Variants in STK3 observed in about 807,000 individuals in gnomAD.
The protein encoded by STK3 is serine/threonine kinase 3.
A neutral mutation model predicts 58.0 loss-of-function variants in STK3; 41 were observed. The observed-to-expected ratio is 0.71, with a 90% CI of 0.55 to 0.92. The LOEUF (loss-of-function observed/expected upper bound fraction) is 0.92. Among genes scored for constraint, STK3 ranks in the 40% least tolerant of loss-of-function variants. The pLI is 0.00. For synonymous variants in STK3, 170 were observed against 191.0 expected (o/e 0.89, Z 0.91); for missense variants, 479 against 602.7 (o/e 0.79, Z 2.15).
chr8:98,614,403 C>A (rs1488934040), intron 6 of STK3, among the ~76,000 whole-genome samples: 1 of 152,146 alleles, frequency 6.6e-6, no homozygotes, highest in African/African-American at 2.4e-5. Context: ...AACTAAAGAA[C>A]ACGCTTTCAA....
At position 98,608,342 on chromosome 8, in the gene STK3, T is replaced by C. The variant is rs542336609; in HGVS notation, c.685-12173A>G. Among the ~76,000 whole-genome samples, 4 of 152,296 alleles carry C rather than the reference T, an allele frequency of 2.6e-5. 1 individual carries two copies. The South Asian group carries it at 8.3e-4, about 32-fold the overall frequency. On this transcript the variant is annotated intron_variant, in intron 6 of 10. Coordinates refer to ENST00000419617, the MANE Select transcript of STK3 (RefSeq NM_006281.4). Reference sequence around the variant, plus strand: ...ACAAAAGCTCTTGGGTCCTCAATTCTTTAAAGTGAAAAGGACTGCTCAGGC... The same window carrying C: ...ACAAAAGCTCTTGGGTCCTCAATTCCTTAAAGTGAAAAGGACTGCTCAGGC...
At chr8:98,865,968 G>C (rs1056944746) in intron 3 of STK3, among the ~76,000 whole-genome samples, 1 of 152,228 alleles carries the variant, frequency 6.6e-6, no homozygotes, top group African/African-American at 2.4e-5. Flanking sequence ...GGAGTGGGCA[G>C]AGGCTCTGCA....
intron 3 of STK3, among the ~76,000 whole-genome samples, chr8:98,846,220 G>A (rs188795465): frequency 1.7e-4 from 26 of 152,202 alleles, no homozygotes; most frequent in Admixed American, 1.0e-3. Context: ...TGATGTACAC[G>A]AAGTCTCATT....
At chr8:98,802,173 T>C (rs747980672) in intron 1 of STK3, among the ~76,000 whole-genome samples, 3 of 151,986 alleles carry the variant, frequency 2.0e-5, no homozygotes, top group Non-Finnish European at 4.4e-5. Flanking sequence ...CCCTGTCTCT[T>C]AAAAAAATAA....
In STK3 at chr8:98,765,001, G is replaced by C. The variant is rs564600518; in HGVS notation, c.236+2242C>G. Among the ~76,000 whole-genome samples the C allele has an allele frequency of 4.2e-4, 64 of 152,294 alleles. 1 individual carries two copies. The South Asian group carries it at 0.012, about 28-fold the overall frequency. On this transcript the variant is annotated intron_variant, in intron 3 of 10. Transcript: ENST00000419617. Reference sequence around the variant, plus strand: ...TAGCTTCAAGGAAGATAATGGGTTGGAGGAGGCAAACAAAGTGAACAAATA... The same window carrying C: ...TAGCTTCAAGGAAGATAATGGGTTGCAGGAGGCAAACAAAGTGAACAAATA...
Position 98,744,285 on chromosome 8 carries a change from T to C in STK3, c.351+4991A>G, listed in dbSNP as rs1243843034. On this transcript the variant is annotated intron_variant, in intron 4 of 10. Coordinates refer to ENST00000419617, the MANE Select transcript of STK3 (RefSeq NM_006281.4). ...TGCTATAAAGACACATGCACACGTA[T>C]CTTTATTGCAGCACTATTCACAGTA... Among the ~76,000 whole-genome samples the C allele has an allele frequency of 2.6e-5, 4 of 152,180 alleles. No individual in the cohort carries two copies. In the South Asian group the frequency reaches 8.3e-4, roughly 32 times the overall value.
the STK3 span, among the ~76,000 whole-genome samples, chr8:98,363,787 T>C: frequency 6.6e-6 from 1 of 152,228 alleles, no homozygotes; most frequent in South Asian, 2.1e-4. Context: ...ACTTGAGCAG[T>C]CTCAGGTTGG....
intron 1 of STK3, among the ~76,000 whole-genome samples, chr8:98,381,433 C>T (rs533423545): frequency 1.3e-4 from 20 of 152,308 alleles, no homozygotes; most frequent in African/African-American, 4.8e-4. Context: ...GGATCAATTT[C>T]CTTTTCCATA....
intron 6 of STK3, among the ~76,000 whole-genome samples, chr8:98,653,854 C>CA (rs1018484433): frequency 1.3e-5 from 2 of 151,936 alleles, no homozygotes; most frequent in African/African-American, 2.4e-5. Flanking sequence ...GCTTACCAAC[C>CA]AAAAAAACTC....
intron 3 of STK3, chr8:98,413,414 C>A: frequency 1.8e-6 from 1 of 561,506 alleles, no homozygotes; most frequent in Non-Finnish European, 3.5e-6. Flanking sequence ...CTATTTCCTG[C>A]TGATCCCTCA....
chr8:98,567,316 G>T (rs771292826), intron 8 of STK3, among the ~76,000 whole-genome samples: 11 of 152,194 alleles, frequency 7.2e-5, no homozygotes, highest in Admixed American at 3.3e-4. Flanking sequence ...TTCCACCTCA[G>T]CCTCCTGAGT....
At chr8:98,850,743 G>A (rs1409518930) in intron 3 of STK3, among the ~76,000 whole-genome samples, 1 of 152,224 alleles carries the variant, frequency 6.6e-6, no homozygotes, top group East Asian at 1.9e-4. Context: ...AGGCTGGTGA[G>A]GAGCACAGGG....
At chr8:98,755,550 T>C (rs1283472908) in intron 3 of STK3, among the ~76,000 whole-genome samples, 2 of 152,202 alleles carry the variant, frequency 1.3e-5, no homozygotes, top group African/African-American at 2.4e-5. Context: ...TGAAAGCAGA[T>C]AAGTGAGCTT....
At chr8:98,836,837 A>C (rs1835765954) in intron 3 of STK3, among the ~76,000 whole-genome samples, 1 of 152,224 alleles carries the variant, frequency 6.6e-6, no homozygotes, top group African/African-American at 2.4e-5. Context: ...ACACTTTTAA[A>C]AACTATGGAG....
At chr8:98,445,084 T>C (rs1418853270) in intron 1 of STK3, among the ~76,000 whole-genome samples, 1 of 152,222 alleles carries the variant, frequency 6.6e-6, no homozygotes, top group Non-Finnish European at 1.5e-5. Flanking sequence ...TATAGCTTAA[T>C]ACAATGTATT....
chr8:98,903,539 T>C (rs574658690), intron 1 of STK3, among the ~76,000 whole-genome samples: 26 of 28,370 alleles, frequency 9.2e-4, no homozygotes, highest in African/African-American at 4.8e-3. Flanking sequence ...CTTCTTCTTC[T>C]TCTTCTTCTT....
chr8:98,411,469 C>G (rs1375158963), intron 3 of STK3, among the ~76,000 whole-genome samples: 1 of 152,224 alleles, frequency 6.6e-6, no homozygotes, highest in Non-Finnish European at 1.5e-5. Flanking sequence ...TTCTTCTTCC[C>G]CTATAGAGTG....
At chr8:98,375,197 GTGAGCCATTA>G (rs1306112159) in intron 2 of STK3, among the ~76,000 whole-genome samples, 1 of 151,192 alleles carries the variant, frequency 6.6e-6, no homozygotes, top group East Asian at 1.9e-4. Context: ...TGAGGCTGCA[GTGAGCCATTA>G]TCATGCTACT....
chr8:98,827,189 A>C (rs1174858075), upstream of STK3, among the ~76,000 whole-genome samples: 1 of 146,590 alleles, frequency 6.8e-6, no homozygotes, highest in Admixed American at 6.8e-5. Context: ...TACAAAAGTT[A>C]GCCGGGCCTG....
Sources: allele counts gnomAD v4.1 joint callset (sites outside exome capture counted in the v4.1 genomes callset), GRCh38; gene constraint gnomAD v4.1.1; transcripts MANE v1.5; gene names NCBI Gene and HGNC (gene_info 2026-07-23, HGNC 2026-07-21).